The following CACNA2D3 variants were observed in gnomAD, a reference collection of about 807,000 sequenced individuals.
CACNA2D3 encodes voltage-dependent calcium channel subunit alpha-2/delta-3.
In CACNA2D3, 60 loss-of-function variants were observed where a neutral mutation model predicts 160.6. The observed-to-expected ratio is 0.37, with a 90% CI of 0.30 to 0.46. The LOEUF (loss-of-function observed/expected upper bound fraction) is 0.46, where lower values mean the gene tolerates loss of function less well. Among genes scored for constraint, CACNA2D3 ranks in the 20% least tolerant of loss-of-function variants. The pLI is 1.00. For synonymous variants in CACNA2D3, 558 were observed against 492.9 expected (o/e 1.13, Z -1.75); for missense variants, 1,205 against 1,365.0 (o/e 0.88, Z 1.85).
chr3:54,601,366 C>T (rs971358698), intron 9 of CACNA2D3, among the ~76,000 whole-genome samples: 6 of 152,102 alleles, frequency 3.9e-5, no homozygotes, highest in Admixed American at 6.5e-5. Flanking sequence ...TGCCACCACT[C>T]CAGGGTAATT....
chr3:54,584,469 A>G (rs1432923524), intron 9 of CACNA2D3, among the ~76,000 whole-genome samples: 1 of 152,222 alleles, frequency 6.6e-6, no homozygotes, highest in Admixed American at 6.5e-5. Flanking sequence ...GATCAATAGC[A>G]ATTACCCAAT....
chr3:54,925,784 A>G (rs1011333166), intron 27 of CACNA2D3, among the ~76,000 whole-genome samples: 1 of 152,158 alleles, frequency 6.6e-6, no homozygotes, highest in South Asian at 2.1e-4. Context: ...ATTTCATTTT[A>G]ACTATTTTAA....
chr3:54,598,940 G>T (rs1703012232), intron 9 of CACNA2D3, among the ~76,000 whole-genome samples: 1 of 152,152 alleles, frequency 6.6e-6, no homozygotes, highest in African/African-American at 2.4e-5. Flanking sequence ...TTCGTGGCCA[G>T]CATCTAATGT....
At chr3:54,619,539 A>G (rs1698935038) in intron 9 of CACNA2D3, among the ~76,000 whole-genome samples, 1 of 152,246 alleles carries the variant, frequency 6.6e-6, no homozygotes, top group African/African-American at 2.4e-5. Flanking sequence ...TGCTACCTTC[A>G]GACACATCAA....
At chr3:54,217,910 G>A (rs1458168978) in intron 2 of CACNA2D3, among the ~76,000 whole-genome samples, 1 of 152,032 alleles carries the variant, frequency 6.6e-6, no homozygotes, top group Non-Finnish European at 1.5e-5. Flanking sequence ...AGAGAGGTGT[G>A]TTAGAGAGAA....
chr3:54,955,055 G>C (rs559990105), intron 27 of CACNA2D3, among the ~76,000 whole-genome samples: 1 of 152,296 alleles, frequency 6.6e-6, no homozygotes, highest in Non-Finnish European at 1.5e-5. Flanking sequence ...AAAATCAACT[G>C]ACAAAAGACC....
chr3:54,729,501 G>T (rs80187974), intron 11 of CACNA2D3, among the ~76,000 whole-genome samples: 2 of 152,196 alleles, frequency 1.3e-5, no homozygotes, highest in African/African-American at 4.8e-5. Flanking sequence ...AGCTGGGCTC[G>T]TTGGTTCTCA....
intron 3 of CACNA2D3, among the ~76,000 whole-genome samples, chr3:54,356,315 C>T (rs1442559089): frequency 1.3e-5 from 2 of 152,134 alleles, no homozygotes; most frequent in Non-Finnish European, 2.9e-5. Flanking sequence ...TGAAACTCAT[C>T]GTTGTTGTGT....
intron 2 of CACNA2D3, among the ~76,000 whole-genome samples, chr3:54,129,149 G>T (rs1699656609): frequency 6.6e-6 from 1 of 152,216 alleles, no homozygotes; most frequent in South Asian, 2.1e-4. Flanking sequence ...TGAAGTGGTT[G>T]TTCTATAATG....
At chr3:54,366,094 G>A (rs1698823581) in intron 3 of CACNA2D3, among the ~76,000 whole-genome samples, 1 of 152,168 alleles carries the variant, frequency 6.6e-6, no homozygotes, top group Non-Finnish European at 1.5e-5. Flanking sequence ...ATCTCTCTGA[G>A]CTCAGTACAG....
At chr3:54,765,573 A>G (rs1262165836) in intron 13 of CACNA2D3, among the ~76,000 whole-genome samples, 2 of 152,268 alleles carry the variant, frequency 1.3e-5, no homozygotes, top group African/African-American at 2.4e-5. Flanking sequence ...CTTTTCTTGT[A>G]TGTTGTTGGG....
intron 2 of CACNA2D3, among the ~76,000 whole-genome samples, chr3:54,192,167 G>A (rs1700996584): frequency 6.6e-6 from 1 of 151,752 alleles, no homozygotes; most frequent in Admixed American, 6.6e-5. Context: ...ATCAAGAGTG[G>A]GTGGTCCTTC....
At chr3:54,420,452 G>A (rs6445658) in intron 4 of CACNA2D3, among the ~76,000 whole-genome samples, 152,298 of 152,344 alleles carry the variant, frequency 1, 76,126 homozygotes, top group Middle Eastern at 1. Context: ...GTTTAGTGTC[G>A]TCTATATTGG....
rs1332300709 is a variant in CACNA2D3 at position 54,806,878 on chromosome 3, A to G, written c.1381-9975A>G. 1.2e-4 allele frequency among the ~76,000 whole-genome samples: 18 copies of G among 152,326 alleles called. 1 individual carries two copies. In the South Asian group the frequency reaches 3.7e-3, roughly 32 times the overall value. ...GAGATATAGATCAATGGAACAGAACAGAGCCCTCAGAAATAATGCTGCATA... is the reference window on the plus strand; with the variant it reads ...GAGATATAGATCAATGGAACAGAACGGAGCCCTCAGAAATAATGCTGCATA... On this transcript the variant is annotated intron_variant, in intron 13 of 37. Transcript: ENST00000474759.
Position 54,899,824 on chromosome 3 carries a change from C to A in CACNA2D3, c.2405C>A (p.Thr802Lys), listed in dbSNP as rs755164641. The change falls in exon 27 of 38, where the codon ACA becomes AAA. Residue 802 changes from threonine to lysine, a missense_variant. Around this residue, in one of 3 missense-constraint regions of CACNA2D3, gnomAD observed 911 missense variants for 1,002.2 expected, o/e 0.91. Coordinates refer to ENST00000474759, the MANE Select transcript of CACNA2D3 (RefSeq NM_018398.3). ...VNKSNVVTAS[T>K]SIQLLDERKS... Reference sequence around the variant, plus strand: ...AAAAGCAATGTGGTGACAGCAAGTACATCCATCCAGCTCCTGGATGAACGG... The same window carrying A: ...AAAAGCAATGTGGTGACAGCAAGTAAATCCATCCAGCTCCTGGATGAACGG... 2.5e-6 allele frequency: 4 copies of A among 1,608,674 alleles called. No homozygotes were observed. The East Asian group carries it at 8.9e-5, about 36-fold the overall frequency.
intron 35 of CACNA2D3, among the ~76,000 whole-genome samples, chr3:55,048,507 T>G (rs202177845): frequency 1.6e-4 from 17 of 108,858 alleles, no homozygotes; most frequent in African/African-American, 5.3e-4. Context: ...GTTTTGCCAG[T>G]ATTTGATTGA....
rs566919480 is a variant in CACNA2D3 at position 54,597,508 on chromosome 3, G to A, written c.963+15631G>A. ...CTATTAAAAGGGTGTCTAGCCCATCGAATGGGCTTAAATATTACTGACCAC... is the reference window on the plus strand; with the variant it reads ...CTATTAAAAGGGTGTCTAGCCCATCAAATGGGCTTAAATATTACTGACCAC... On this transcript the variant is annotated intron_variant, in intron 9 of 37. Coordinates refer to ENST00000474759, the MANE Select transcript of CACNA2D3 (RefSeq NM_018398.3). Among the ~76,000 whole-genome samples the A allele has an allele frequency of 2.0e-4, 31 of 152,224 alleles. 2 individuals carry two copies. The South Asian group carries it at 4.6e-3, about 22-fold the overall frequency.
intron 11 of CACNA2D3, among the ~76,000 whole-genome samples, chr3:54,664,749 AG>A (rs1308243107): frequency 6.6e-6 from 1 of 152,216 alleles, no homozygotes; most frequent in African/African-American, 2.4e-5. Context: ...AGGGCTGAGC[AG>A]GGGGACTCAG....
chr3:54,216,615 T>C (rs1701468010), intron 2 of CACNA2D3, among the ~76,000 whole-genome samples: 1 of 152,244 alleles, frequency 6.6e-6, no homozygotes, highest in South Asian at 2.1e-4. Flanking sequence ...CGTGATGGCT[T>C]CTTGCCCTCC....
Sources: gnomAD v4.1 joint callset for allele counts (sites outside exome capture counted in the v4.1 genomes callset) on GRCh38, gnomAD v4.1.1 for gene constraint, gnomAD v4.1.1 regional missense constraint, MANE v1.5 for transcripts, NCBI Gene and HGNC (gene_info 2026-07-23, HGNC 2026-07-21) for gene names.